TACC2: variants seen among roughly 807,000 people sequenced by gnomAD.
TACC2 encodes transforming acidic coiled-coil containing protein 2.
Under a neutral mutation model 227.3 loss-of-function variants are expected in TACC2, and 137 were observed. That is an observed-to-expected ratio of 0.60 (90% CI 0.52 to 0.69). The LOEUF (loss-of-function observed/expected upper bound fraction) is 0.69. Among genes scored for constraint, TACC2 ranks in the 30% least tolerant of loss-of-function variants. The pLI is 0.00. For missense variants in TACC2, 3,470 were observed against 3,694.4 expected (o/e 0.94, Z 1.57); for synonymous variants, 1,523 against 1,487.5 (o/e 1.02, Z -0.55).
intron 1 of TACC2, among the ~76,000 whole-genome samples, chr10:122,021,208 G>A (rs11200341): frequency 0.024 from 3,487 of 146,028 alleles, 55 homozygotes; most frequent in Middle Eastern, 0.052. Flanking sequence ...TAGCCTGGGC[G>A]ACAGAGTGAG....
chr10:122,128,379 G>A (rs17103091), intron 5 of TACC2, among the ~76,000 whole-genome samples: 19,261 of 152,258 alleles, frequency 0.13, 1,378 homozygotes, highest in African/African-American at 0.19. Flanking sequence ...AAAAAAGTCA[G>A]GGAAGTGTTT....
intron 8 of TACC2, among the ~76,000 whole-genome samples, chr10:122,196,116 G>A (rs2094560728): frequency 3.9e-5 from 6 of 152,244 alleles, no homozygotes; most frequent in Admixed American, 3.9e-4. Flanking sequence ...ACCAAGGATG[G>A]GGCTGGGTGC....
intron 8 of TACC2, among the ~76,000 whole-genome samples, chr10:122,200,942 G>A (rs113967908): frequency 7.4e-5 from 9 of 121,552 alleles, no homozygotes; most frequent in Admixed American, 3.4e-4. Flanking sequence ...GGAGGACAGC[G>A]ACCTCACCCG....
intron 18 of TACC2, among the ~76,000 whole-genome samples, chr10:122,239,096 C>T (rs1490600665): frequency 3.3e-5 from 5 of 151,944 alleles, no homozygotes; most frequent in African/African-American, 7.3e-5. Context: ...CTCCGCCTCC[C>T]GGGTTCAAGT....
rs554832312 is a variant in TACC2, at chr10:122,170,624, A to G, written c.5835-24416A>G. Among the ~76,000 whole-genome samples, 5 of 152,168 alleles carry G rather than the reference A, an allele frequency of 3.3e-5. No individual in the cohort carries two copies. In the South Asian group the frequency reaches 1.0e-3, roughly 32 times the overall value. On this transcript the variant is annotated intron_variant, in intron 7 of 22. Transcript: ENST00000369005. Reference sequence around the variant, plus strand: ...ACCATGATAATCAAGTCTTATCTTCACTTTTCCCTCACCTCTCTTCTTTCT... The same window carrying G: ...ACCATGATAATCAAGTCTTATCTTCGCTTTTCCCTCACCTCTCTTCTTTCT...
intron 3 of TACC2, among the ~76,000 whole-genome samples, chr10:122,063,190 TC>T (rs1199840167): frequency 1.3e-5 from 2 of 152,178 alleles, no homozygotes; most frequent in African/African-American, 4.8e-5. Flanking sequence ...ATCAGAAAGA[TC>T]TAAGCTGTGT....
chr10:122,092,325 AGTATCTTTGT>A (rs1565284905), intron 5 of TACC2, among the ~76,000 whole-genome samples: 1 of 152,154 alleles, frequency 6.6e-6, no homozygotes, highest in East Asian at 1.9e-4. Flanking sequence ...TAACACTTTG[AGTATCTTTGT>A]GTACCATATT....
At chr10:122,132,062 AAGAAAAAGAAAGAAAGAAAG>A (rs1180161779) in intron 5 of TACC2, among the ~76,000 whole-genome samples, 4 of 1,632 alleles carry the variant, frequency 2.5e-3, no homozygotes, top group Non-Finnish European at 3.4e-3. Flanking sequence ...GAAAGAAAGA[AAGAAAAAGAAAGAAAGAAAG>A]AGAAAGATCT....
At chr10:122,187,440 G>C (rs2094243283) in intron 7 of TACC2, among the ~76,000 whole-genome samples, 2 of 152,166 alleles carry the variant, frequency 1.3e-5, no homozygotes, top group African/African-American at 2.4e-5. Flanking sequence ...GTAAAATAGA[G>C]GACTTGGTCT....
chr10:122,229,345 G>A lies in TACC2; in HGVS notation c.7897-1G>A. On this transcript the variant is annotated splice_acceptor_variant, in intron 14 of 22. Coordinates refer to ENST00000369005, the MANE Select transcript of TACC2 (RefSeq NM_206862.4). LOFTEE classifies it high-confidence loss of function. ...GTGTCCTCCTCTCTGCCGGCTTTCA[G>A]ACAGCTCCCGAGGGCTCCTTTGCCT... 6.2e-7 allele frequency: 1 copy of A among 1,613,816 alleles called. No homozygotes were observed. The highest frequency in any genetic ancestry group is 8.5e-7 in the Non-Finnish European group (1 of 1,179,990).
chr10:122,128,487 G>T (rs570885112), intron 5 of TACC2, among the ~76,000 whole-genome samples: 1 of 152,292 alleles, frequency 6.6e-6, no homozygotes, highest in East Asian at 1.9e-4. Context: ...CTTCTTTGCT[G>T]GGACCTCATT....
chr10:122,172,217 G>A (rs1397907566), intron 7 of TACC2, among the ~76,000 whole-genome samples: 2 of 152,200 alleles, frequency 1.3e-5, no homozygotes, highest in African/African-American at 2.4e-5. Context: ...GTTTTGACTC[G>A]TGGTTACAGC....
intron 7 of TACC2, among the ~76,000 whole-genome samples, chr10:122,165,133 T>A (rs1196608373): frequency 2.0e-5 from 3 of 152,198 alleles, no homozygotes; most frequent in Non-Finnish European, 4.4e-5. Context: ...GAAAGCATCG[T>A]CTTACAATGG....
intron 16 of TACC2, among the ~76,000 whole-genome samples, chr10:122,232,844 G>A (rs185949507): frequency 5.5e-4 from 84 of 152,240 alleles, no homozygotes; most frequent in Non-Finnish European, 1.1e-3. Flanking sequence ...TATCCAATTT[G>A]CCTTTTTTTC....
intron 3 of TACC2, chr10:122,079,152 T>C (rs895308422): frequency 6.6e-6 from 1 of 152,212 alleles, no homozygotes; most frequent in Admixed American, 6.5e-5. Flanking sequence ...CATACTAAAC[T>C]GTTTGACTTC....
At chr10:122,199,410 A>G (rs2094701774) in intron 8 of TACC2, among the ~76,000 whole-genome samples, 1 of 152,140 alleles carries the variant, frequency 6.6e-6, no homozygotes, top group Admixed American at 6.5e-5. Flanking sequence ...GTTTTCGTAT[A>G]CACTGTCACC....
chr10:122,121,927 A>T (rs2085889051), intron 5 of TACC2, among the ~76,000 whole-genome samples: 1 of 152,144 alleles, frequency 6.6e-6, no homozygotes, highest in Non-Finnish European at 1.5e-5. Context: ...TGGCATGCCC[A>T]CTAGAGGAAA....
intron 7 of TACC2, among the ~76,000 whole-genome samples, chr10:122,154,262 G>T (rs144521769): frequency 1.3e-5 from 2 of 152,220 alleles, no homozygotes; most frequent in Non-Finnish European, 2.9e-5. Flanking sequence ...GCTGCTGCTC[G>T]GACAAAGGAG....
rs1287640072 is a variant in TACC2 at position 122,201,044 on chromosome 10, C to A, written c.5971+5868C>A. On this transcript the variant is annotated intron_variant, in intron 8 of 22. Transcript: ENST00000369005. ...GTGAGAGGACGGCCACCTCACCCGC[C>A]CACAGTGGCCACATCTACAGTGAGA... Among the ~76,000 whole-genome samples the A allele has an allele frequency of 8.6e-4, 125 of 144,892 alleles. 1 individual carries two copies. The highest frequency in any genetic ancestry group is 1.0e-4 in the Non-Finnish European group (7 of 67,242).
Sources: gnomAD v4.1 joint callset for allele counts (sites outside exome capture counted in the v4.1 genomes callset) on GRCh38, gnomAD v4.1.1 for gene constraint, MANE v1.5 for transcripts, NCBI Gene and HGNC (gene_info 2026-07-23, HGNC 2026-07-21) for gene names.